Variants in TUBGCP5 observed in about 807,000 individuals in gnomAD.
TUBGCP5 encodes the protein tubulin gamma complex component 5.
A neutral mutation model predicts 134.7 loss-of-function variants in TUBGCP5; 98 were observed. The ratio of observed to expected loss-of-function variants is 0.73; its 90% confidence interval spans 0.62 to 0.86. TUBGCP5 has a LOEUF of 0.86. TUBGCP5 is among the 40% of genes least tolerant of loss of function. TUBGCP5 has a pLI of 0.00. For missense variants in TUBGCP5, 1,150 were observed against 1,244.8 expected, an observed-to-expected ratio of 0.92 and a Z score of 1.15; for synonymous variants, 456 against 431.4, an observed-to-expected ratio of 1.06 and a Z score of -0.71.
At chr15:23,010,730 G>A (rs1168433423) in intron 14 of TUBGCP5, among the ~76,000 whole-genome samples, 1 of 152,076 alleles carries the variant, frequency 6.6e-6, no homozygotes, top group East Asian at 1.9e-4. Flanking sequence ...TGTAATCCCA[G>A]CACTTTGGGA....
intron 13 of TUBGCP5, among the ~76,000 whole-genome samples, chr15:23,014,514 C>A (rs2065208241): frequency 6.6e-6 from 1 of 152,200 alleles, no homozygotes; most frequent in Non-Finnish European, 1.5e-5. Flanking sequence ...TGAAGACCAC[C>A]CCCAGTAATC....
Position 23,039,492 on chromosome 15 carries a change from C to T in TUBGCP5, c.52G>A (p.Asp18Asn). The T allele has an allele frequency of 6.6e-7, 1 of 1,518,488 alleles. No individual in the cohort carries two copies. The highest frequency in any genetic ancestry group is 8.9e-7 in the Non-Finnish European group (1 of 1,127,612). The allele number at this position is 1,518,488 out of a possible 1,614,324, so 94.1% of individuals were successfully genotyped here. The change falls in exon 1 of 23, where the codon GAC (aspartate) becomes AAC (asparagine). Residue 18 changes from aspartate to asparagine, a missense_variant. Asp to Asn is a conservative substitution (Grantham distance 23). This residue lies in a region of TUBGCP5 where 453 missense variants were observed against 394.7 expected (regional missense o/e 1.15). Coordinates refer to ENST00000615383, the MANE Select transcript of TUBGCP5 (RefSeq NM_052903.6). ...WSRLDAQQERDVRELVRGVAG... is the reference protein window; with the variant it reads ...WSRLDAQQERNVRELVRGVAG... ...ACACCCCGGACGAGCTCCCGCACGTCGCGCTCCTGCTGCGCGTCCAACCGA... is the reference window on the plus strand; with the variant it reads ...ACACCCCGGACGAGCTCCCGCACGTTGCGCTCCTGCTGCGCGTCCAACCGA...
chr15:23,009,848 A>T, intron 15 of TUBGCP5, 97 bp downstream of exon 15: 2 of 1,098,898 alleles, frequency 1.8e-6, no homozygotes, highest in Non-Finnish European at 2.5e-6. Context: ...TCCATTTCCT[A>T]CTCTAATAAA....
chr15:23,024,016 C>A lies in TUBGCP5; in HGVS notation c.1099G>T (p.Ala367Ser), dbSNP rs758256369. The change falls in exon 10 of 23, where the codon GCC becomes TCC. Residue 367 changes from alanine (A) to serine (S), a missense_variant. By Grantham distance (99) the Ala-to-Ser change is moderately conservative. Around this residue, in one of 2 missense-constraint regions of TUBGCP5, gnomAD observed 697 missense variants for 850.1 expected, o/e 0.82. Coordinates refer to ENST00000615383, the MANE Select transcript of TUBGCP5 (RefSeq NM_052903.6). ...PFRTYQAFMWALYKYFISFKE... is the reference protein window; with the variant it reads ...PFRTYQAFMWSLYKYFISFKE... Reference sequence around the variant, plus strand: ...AAACTAATGAAATATTTGTACAGGGCCCACATGAAAGCCTGGTAGGTTCTA... The same window carrying A: ...AAACTAATGAAATATTTGTACAGGGACCACATGAAAGCCTGGTAGGTTCTA... 55 of 1,614,044 alleles carry A rather than the reference C, an allele frequency of 3.4e-5. No individual in the cohort carries two copies. Among genetic ancestry groups the A allele is most frequent in the Non-Finnish European group, 4.7e-5 (55 of 1,179,992 alleles).
intron 23 of TUBGCP5, among the ~76,000 whole-genome samples, chr15:22,988,057 G>T (rs1275715294): frequency 1.3e-5 from 2 of 151,798 alleles, no homozygotes; most frequent in East Asian, 3.9e-4. Context: ...TCAGCTTCCA[G>T]AACTATGAGT....
At chr15:22,988,768 G>GTT (rs1317667287) in intron 23 of TUBGCP5, among the ~76,000 whole-genome samples, 1 of 150,992 alleles carries the variant, frequency 6.6e-6, no homozygotes, top group Non-Finnish European at 1.5e-5. Context: ...TTTGTTGTTT[G>GTT]TTGTTTGTTT....
At chr15:22,992,493 T>C (rs2063878410) in intron 23 of TUBGCP5, among the ~76,000 whole-genome samples, 1 of 152,108 alleles carries the variant, frequency 6.6e-6, no homozygotes, top group Admixed American at 6.5e-5. Context: ...CACATATATA[T>C]GTATGTATAT....
chr15:23,003,254 C>G (rs2064495219), intron 20 of TUBGCP5, 101 bp from the exon 21 acceptor site: 1 of 1,139,098 alleles, frequency 8.8e-7, no homozygotes, highest in South Asian at 1.4e-5. Context: ...AAGTTCATCA[C>G]CACAGTGACT....
chr15:22,987,853 G>A (rs552117103), intron 23 of TUBGCP5, among the ~76,000 whole-genome samples: 7 of 127,454 alleles, frequency 5.5e-5, no homozygotes, highest in Admixed American at 1.9e-4. Context: ...CCGAGATTGC[G>A]CCACCACACT....
chr15:23,025,891 A>G (rs2065956139), intron 8 of TUBGCP5, among the ~76,000 whole-genome samples: 1 of 152,104 alleles, frequency 6.6e-6, no homozygotes. Flanking sequence ...TAAAGAAGAG[A>G]TGGGCTAACC....
intron 8 of TUBGCP5, among the ~76,000 whole-genome samples, chr15:23,025,467 C>T (rs1049630872): frequency 3.3e-5 from 5 of 152,174 alleles, no homozygotes; most frequent in Non-Finnish European, 5.9e-5. Context: ...AGTAACAGCA[C>T]CATGTGCCGC....
At position 23,002,163 on chromosome 15, in the gene TUBGCP5, C is replaced by A. The variant is rs192848818; in HGVS notation, c.2927+902G>T. Among the ~76,000 whole-genome samples the A allele has an allele frequency of 7.4e-4, 112 of 151,328 alleles. 3 individuals carry two copies. In the South Asian group the frequency reaches 9.4e-3, roughly 13 times the overall value. ...ACAAAAAAAAAAGAAAAAAAAAAAGCAAAATATATTTTGCACACTTTGAGC... is the reference window on the plus strand; with the variant it reads ...ACAAAAAAAAAAGAAAAAAAAAAAGAAAAATATATTTTGCACACTTTGAGC... On this transcript the variant is annotated intron_variant, in intron 21 of 22. Transcript: ENST00000615383.
chr15:22,993,525 G>GTTTTTTTC (rs2063925318), intron 23 of TUBGCP5, among the ~76,000 whole-genome samples: 3 of 69,288 alleles, frequency 4.3e-5, no homozygotes, highest in African/African-American at 1.8e-4. Flanking sequence ...AGCCCCCGAA[G>GTTTTTTTC]TTTTTTTTTT....
Position 22,988,549 on chromosome 15 carries a change from C to T in TUBGCP5, c.*62-4938G>A, listed in dbSNP as rs1018472804. On this transcript the variant is annotated intron_variant and NMD_transcript_variant, in intron 23 of 23. Transcript: ENST00000614508. ...GAGATCGAGACCATCCTGGCTAACA[C>T]AGTGAAACCCCGTCTCTACTAGAAA... Among the ~76,000 whole-genome samples, 12 of 151,398 alleles carry T rather than the reference C, an allele frequency of 7.9e-5. 1 individual carries two copies. Among genetic ancestry groups the T allele is most frequent in the East Asian group, 6.0e-4 (3 of 4,998 alleles).
chr15:23,003,211 A>C (rs2064493928), intron 20 of TUBGCP5, 58 bp from the exon 21 acceptor site: 3 of 1,495,436 alleles, frequency 2.0e-6, no homozygotes, highest in African/African-American at 2.8e-5. Flanking sequence ...ACTGATACCA[A>C]CACTTTTACC....
In TUBGCP5 at chr15:23,030,956, A is replaced by C; in HGVS notation, c.551T>G (p.Ile184Ser). Residue 184 changes from isoleucine to serine, a missense_variant, in exon 6 of 23, where the codon ATT (isoleucine) becomes AGT (serine). Ile to Ser is a moderately radical substitution (Grantham distance 142). Transcript: ENST00000615383. ...QQPLSREDSG[I>S]QVDRTPLEEQ... ...TTCTAACGGTGTCCTGTCTACCTGAATTCCAGAGTCCTCTCTGCTTAAGGG... is the reference window on the plus strand; with the variant it reads ...TTCTAACGGTGTCCTGTCTACCTGACTTCCAGAGTCCTCTCTGCTTAAGGG... The C allele has an allele frequency of 6.2e-7, 1 of 1,613,590 alleles. No homozygotes were observed.
At chr15:23,020,602 A>G (rs57247637) in intron 11 of TUBGCP5, among the ~76,000 whole-genome samples, 12,763 of 149,756 alleles carry the variant, frequency 0.085, 1,003 homozygotes, top group East Asian at 0.45. Flanking sequence ...AAAAAAAAAA[A>G]AAAAGAAAAA....
intron 5 of TUBGCP5, among the ~76,000 whole-genome samples, chr15:23,031,696 T>C (rs2066321984): frequency 6.6e-6 from 1 of 152,092 alleles, no homozygotes; most frequent in Non-Finnish European, 1.5e-5. Context: ...ATTCCTAGGC[T>C]CAAGCAATCC....
chr15:23,026,233 T>A, intron 7 of TUBGCP5, 28 bp from the exon 8 acceptor site: 1 of 1,587,096 alleles, frequency 6.3e-7, no homozygotes, highest in Non-Finnish European at 8.6e-7. Context: ...TAAATGTCAA[T>A]AGAAAGGTTT....
Sources: gnomAD v4.1 joint callset for allele counts (sites outside exome capture counted in the v4.1 genomes callset) on GRCh38, gnomAD v4.1.1 for gene constraint, gnomAD v4.1.1 regional missense constraint, MANE v1.5 for transcripts, NCBI Gene and HGNC (gene_info 2026-07-23, HGNC 2026-07-21) for gene names.